The following POLR3B variants were observed in gnomAD, a reference collection of about 807,000 sequenced individuals.
POLR3B encodes the protein DNA-directed RNA polymerase III subunit RPC2.
POLR3B carries 96 observed loss-of-function variants against 147.4 expected under a neutral mutation model. The observed-to-expected ratio is 0.65, with a 90% CI of 0.55 to 0.77. The LOEUF is 0.77. Ranked by LOEUF, POLR3B falls within the 30% of genes least tolerant of loss-of-function variation. The probability of loss-of-function intolerance (pLI) is 0.00; values close to 1 mark genes in which losing one functional copy is unlikely to be tolerated. For missense variants in POLR3B, 1,036 were observed against 1,413.5 expected (o/e 0.73, Z 4.28); for synonymous variants, 461 against 485.9 (o/e 0.95, Z 0.67).
intron 21 of POLR3B, among the ~76,000 whole-genome samples, chr12:106,458,487 A>T (rs1592753022): frequency 6.6e-6 from 1 of 152,178 alleles, no homozygotes; most frequent in East Asian, 1.9e-4. Flanking sequence ...TTCTGACTAC[A>T]GTGTAGAAAA....
chr12:106,368,349 C>T (rs959687970), intron 4 of POLR3B, among the ~76,000 whole-genome samples: 8 of 152,038 alleles, frequency 5.3e-5, no homozygotes, highest in South Asian at 2.1e-4. Context: ...TGTATGTATA[C>T]GAACACATAT....
intron 6 of POLR3B, among the ~76,000 whole-genome samples, chr12:106,371,472 A>G (rs1276080139): frequency 1.3e-5 from 2 of 152,074 alleles, no homozygotes; most frequent in Non-Finnish European, 2.9e-5. Flanking sequence ...TCATGCTGCT[A>G]TAAAGACACA....
Position 106,478,291 on chromosome 12 carries a change from G to A in POLR3B, c.2713+14671G>A, listed in dbSNP as rs1334748091. 2.0e-5 allele frequency among the ~76,000 whole-genome samples: 3 copies of A among 152,136 alleles called. No homozygotes were observed. The East Asian group carries it at 5.8e-4, about 29-fold the overall frequency. On this transcript the variant is annotated intron_variant, in intron 23 of 27. Coordinates refer to ENST00000228347, the MANE Select transcript of POLR3B (RefSeq NM_018082.6). ...GGCGTCTAGGTAAAACGTCAGGAAGGTCTTTGTGCTATAGCATTTTTTCAG... is the reference window on the plus strand; with the variant it reads ...GGCGTCTAGGTAAAACGTCAGGAAGATCTTTGTGCTATAGCATTTTTTCAG...
rs1285726566 is a variant in POLR3B, at chr12:106,427,174, T to C, written c.1102-23T>C. ...AGCAATGCTTTTTGAAAAATCACCA[T>C]ATACCTTTTTTTTTTTTTTTAGCTT... On this transcript the variant is annotated intron_variant, in intron 12 of 27. Transcript: ENST00000228347. The C allele has an allele frequency of 3.6e-6, 5 of 1,378,834 alleles. No homozygotes were observed. In the Admixed American group the frequency reaches 8.5e-5, roughly 23 times the overall value. 85.4% of individuals were successfully genotyped at this position (1,378,834 alleles called of 1,614,324 possible).
intron 12 of POLR3B, among the ~76,000 whole-genome samples, chr12:106,424,082 C>G (rs1364730245): frequency 6.6e-6 from 1 of 152,080 alleles, no homozygotes; most frequent in African/African-American, 2.4e-5. Context: ...TCTCAAACTC[C>G]TGACCTCATG....
chr12:106,500,271 G>A, intron 25 of POLR3B: 2 of 419,490 alleles, frequency 4.8e-6, no homozygotes, highest in South Asian at 1.8e-5. Context: ...AATGAGAAAA[G>A]GTTTCTTCTG....
chr12:106,490,919 CA>C (rs1208308575), intron 23 of POLR3B, among the ~76,000 whole-genome samples: 1 of 152,142 alleles, frequency 6.6e-6, no homozygotes, highest in Non-Finnish European at 1.5e-5. Context: ...TCTGCAACCC[CA>C]GGCCTCGTGA....
In POLR3B at chr12:106,463,601, C is replaced by T. The variant is rs966076376; in HGVS notation, c.2694C>T (p.Ser898=). The change falls in exon 23 of 28, where the codon AGC becomes AGT. Residue 898 remains serine, a synonymous_variant. Transcript: ENST00000228347. ...TRRPEIGDKF[S]SRHGQKGVCG... is the part of the protein sequence containing the mutation. ...GTCCAGAAATTGGAGACAAATTCAGCAGTCGTCATGGGCAAAAAGGTAAAC... is the reference window on the plus strand; with the variant it reads ...GTCCAGAAATTGGAGACAAATTCAGTAGTCGTCATGGGCAAAAAGGTAAAC... 1.2e-6 allele frequency: 2 copies of T among 1,613,286 alleles called. No homozygotes were observed. Among genetic ancestry groups the T allele is most frequent in the Admixed American group, 1.7e-5 (1 of 59,966 alleles).
intron 22 of POLR3B, among the ~76,000 whole-genome samples, chr12:106,460,165 A>G (rs546291838): frequency 2.0e-5 from 3 of 152,264 alleles, no homozygotes; most frequent in African/African-American, 7.2e-5. Context: ...TGTGCCAGCG[A>G]TATAGAGCTG....
chr12:106,474,782 G>T lies in POLR3B; in HGVS notation c.2713+11162G>T, dbSNP rs528030629. Among the ~76,000 whole-genome samples, 6 of 150,998 alleles carry T rather than the reference G, an allele frequency of 4.0e-5. No individual in the cohort carries two copies. In the South Asian group the frequency reaches 1.1e-3, roughly 27 times the overall value. ...TTTTTCTTTATTAGTCTTGCTAGCG[G>T]TCTATCAATTTTGTTGATCCTTTCA... is the stretch of plus-strand genomic sequence containing the variant. On this transcript the variant is annotated intron_variant, in intron 23 of 27. Transcript: ENST00000228347.
At position 106,433,998 on chromosome 12, in the gene POLR3B, C is replaced by T. The variant is rs536633005; in HGVS notation, c.1781+126C>T. 25 of 757,920 alleles carry T rather than the reference C, an allele frequency of 3.3e-5. 1 individual carries two copies. The highest frequency in any genetic ancestry group is 7.5e-4 in the Middle Eastern group (2 of 2,680). 46.9% of individuals were successfully genotyped at this position (757,920 alleles called of 1,614,324 possible). On this transcript the variant is annotated intron_variant, in intron 16 of 27. Coordinates refer to ENST00000228347, the MANE Select transcript of POLR3B (RefSeq NM_018082.6). ...TTCATTGTGAAGATAAATTTAATTC[C>T]GTGAGCAAACACTTCATGAATATGC...
chr12:106,471,117 G>A (rs1351750771), intron 23 of POLR3B, among the ~76,000 whole-genome samples: 1 of 152,144 alleles, frequency 6.6e-6, no homozygotes, highest in Non-Finnish European at 1.5e-5. Flanking sequence ...GAGCTTCCCT[G>A]CCGCTTTGTT....
chr12:106,420,029 G>A (rs1308523573), intron 12 of POLR3B, among the ~76,000 whole-genome samples: 1 of 152,048 alleles, frequency 6.6e-6, no homozygotes, highest in East Asian at 1.9e-4. Context: ...GGTGGGAAGG[G>A]CTGGAAAGCT....
At chr12:106,457,951 T>G (rs2037886256) in intron 21 of POLR3B, among the ~76,000 whole-genome samples, 2 of 152,092 alleles carry the variant, frequency 1.3e-5, no homozygotes, top group African/African-American at 4.8e-5. Context: ...TGAGAAAAGC[T>G]TGTGCAAGGG....
intron 1 of POLR3B, among the ~76,000 whole-genome samples, chr12:106,358,836 T>C (rs1592995660): frequency 6.6e-6 from 1 of 152,308 alleles, no homozygotes. Flanking sequence ...AAAGTTTCAA[T>C]AAACATCTGA....
chr12:106,478,468 G>C (rs180960322), intron 23 of POLR3B, among the ~76,000 whole-genome samples: 2 of 152,010 alleles, frequency 1.3e-5, no homozygotes, highest in East Asian at 3.9e-4. Flanking sequence ...CCTGGGTCTA[G>C]CTGACCTTTC....
At chr12:106,402,542 G>A (rs559512990) in intron 10 of POLR3B, among the ~76,000 whole-genome samples, 8 of 152,210 alleles carry the variant, frequency 5.3e-5, no homozygotes, top group East Asian at 3.9e-4. Context: ...GAGGCATCAC[G>A]CTACCTGACT....
In POLR3B at chr12:106,463,955, A is replaced by T. The variant is rs376695480; in HGVS notation, c.2713+335A>T. Among the ~76,000 whole-genome samples the T allele has an allele frequency of 2.2e-4, 33 of 151,910 alleles. No individual in the cohort carries two copies. In the East Asian group the frequency reaches 6.0e-3, roughly 28 times the overall value. ...TAGTACCTTTTTTTTTTTCTGAAAG[A>T]TACATCTTTAAACTACTATATGTTC... On this transcript the variant is annotated intron_variant, in intron 23 of 27. Transcript: ENST00000228347.
At chr12:106,436,288 G>A (rs979167555) in intron 16 of POLR3B, among the ~76,000 whole-genome samples, 1 of 152,156 alleles carries the variant, frequency 6.6e-6, no homozygotes, top group East Asian at 1.9e-4. Flanking sequence ...AGCCCTTGAC[G>A]TTTCAGTGCC....
Sources: gnomAD v4.1 joint callset for allele counts (sites outside exome capture counted in the v4.1 genomes callset) on GRCh38, gnomAD v4.1.1 for gene constraint, MANE v1.5 for transcripts, NCBI Gene and HGNC (gene_info 2026-07-23, HGNC 2026-07-21) for gene names.